PROM1: variants seen among roughly 807,000 people sequenced by gnomAD.
PROM1 encodes the protein prominin-1.
PROM1 carries 105 observed loss-of-function variants against 116.9 expected under a neutral mutation model. The observed-to-expected ratio is 0.90, with a 90% CI of 0.77 to 1.06. The LOEUF (loss-of-function observed/expected upper bound fraction) is 1.06, where lower values mean the gene tolerates loss of function less well. Ranked by LOEUF, PROM1 falls within the 50% of genes least tolerant of loss-of-function variation. The probability of loss-of-function intolerance (pLI) is 0.00; values close to 1 mark genes in which losing one functional copy is unlikely to be tolerated. For missense variants in PROM1, 1,122 were observed against 1,045.2 expected, an observed-to-expected ratio of 1.07 and a Z score of -1.01; for synonymous variants, 393 against 387.0, an observed-to-expected ratio of 1.02 and a Z score of -0.18.
intron 23 of PROM1, among the ~76,000 whole-genome samples, chr4:15,983,068 T>C (rs527955082): frequency 1.5e-4 from 23 of 152,310 alleles, no homozygotes; most frequent in Non-Finnish European, 2.8e-4. Context: ...GTGGAGAGTC[T>C]AGAGTGTGCT....
At chr4:16,043,202 A>T (rs937832761) in intron 2 of PROM1, among the ~76,000 whole-genome samples, 2 of 152,228 alleles carry the variant, frequency 1.3e-5, no homozygotes, top group Non-Finnish European at 2.9e-5. Context: ...GGTCTGAGCC[A>T]AGTAACATAT....
At chr4:16,064,132 C>A (rs1560602286) in intron 2 of PROM1, among the ~76,000 whole-genome samples, 3 of 152,098 alleles carry the variant, frequency 2.0e-5, no homozygotes, top group African/African-American at 2.4e-5. Flanking sequence ...ATATGCCCGG[C>A]AGAAATGTGT....
intron 2 of PROM1, among the ~76,000 whole-genome samples, chr4:16,071,543 G>A (rs1197337294): frequency 6.6e-6 from 1 of 152,158 alleles, no homozygotes; most frequent in Admixed American, 6.5e-5. Flanking sequence ...TAGGTCATAA[G>A]GGTGAGACCT....
At chr4:16,028,596 G>C (rs970924500) in intron 5 of PROM1, among the ~76,000 whole-genome samples, 2 of 152,008 alleles carry the variant, frequency 1.3e-5, no homozygotes, top group Non-Finnish European at 2.9e-5. Context: ...TATGCTTTGA[G>C]GTATTGATTT....
Position 15,968,367 on chromosome 4 carries a change from T to G in PROM1, c.*1026A>C, listed in dbSNP as rs1434555479. 1.3e-5 allele frequency: 2 copies of G among 152,198 alleles called. No homozygotes were observed. Among genetic ancestry groups the G allele is most frequent in the Non-Finnish European group, 2.9e-5 (2 of 68,032 alleles). The allele number at this position is 152,198 out of a possible 1,614,324, so 9.4% of individuals were successfully genotyped here. ...GACCAGTTCTTCATTGCTGATCACT[T>G]TTGATAATGACAGATCCAACATGAA... On this transcript the variant is annotated 3_prime_UTR_variant, in exon 28 of 28. Coordinates refer to ENST00000447510, the MANE Select transcript of PROM1 (RefSeq NM_006017.3).
intron 24 of PROM1, 124 bp from the exon 25 acceptor site, chr4:15,980,028 T>C (rs79675869): frequency 0.021 from 13,709 of 653,152 alleles, 194 homozygotes; most frequent in Middle Eastern, 0.03. Flanking sequence ...GAAAGACCCA[T>C]GTTGAAAGAT....
chr4:16,038,970 A>T lies in PROM1; in HGVS notation c.252T>A (p.Tyr84Ter), dbSNP rs764756521. The T allele has an allele frequency of 2.0e-6, 3 of 1,505,676 alleles. No homozygotes were observed. The highest frequency in any genetic ancestry group is 1.8e-6 in the Non-Finnish European group (2 of 1,125,968). 93.3% of individuals were successfully genotyped at this position (1,505,676 alleles called of 1,614,324 possible). The change falls in exon 3 of 28, where the codon TAT (tyrosine) becomes TAA (stop). Residue 84 changes from tyrosine to a stop codon, truncating the protein, a stop_gained. Coordinates refer to ENST00000447510, the MANE Select transcript of PROM1 (RefSeq NM_006017.3). LOFTEE classifies it high-confidence loss of function. ...CCTTGTCATAATCAATTTTGGATTC[A>T]TATGCCTTCTGTAAGAATTTTCTCA... The part of the protein sequence containing the change: ...DTLRKFLQKA[Y>*]ESKIDYDKPE...
At chr4:16,018,039 C>T (rs1370327736) in intron 9 of PROM1, among the ~76,000 whole-genome samples, 1 of 152,098 alleles carries the variant, frequency 6.6e-6, no homozygotes, top group African/African-American at 2.4e-5. Context: ...TAAAGGTCTA[C>T]ATGAATATAT....
intron 2 of PROM1, among the ~76,000 whole-genome samples, chr4:16,064,974 C>G (rs1229567227): frequency 6.6e-6 from 1 of 152,156 alleles, no homozygotes; most frequent in Admixed American, 6.5e-5. Context: ...AAAAAGCTCC[C>G]TGGTGATGCT....
At chr4:15,976,880 T>TCAGAGCCTACCACTCTGACAG (rs1716269342) in intron 26 of PROM1, among the ~76,000 whole-genome samples, 1 of 152,086 alleles carries the variant, frequency 6.6e-6, no homozygotes, top group South Asian at 2.1e-4. Context: ...CCTCCAGCTG[T>TCAGAGCCTACCACTCTGACAG]CAGAGCCTAC....
In PROM1 at chr4:16,025,299, A is replaced by G; in HGVS notation, c.523T>C (p.Tyr175His). 1 of 1,613,932 alleles carries G rather than the reference A, an allele frequency of 6.2e-7. No individual in the cohort carries two copies. Among genetic ancestry groups the G allele is most frequent in the Non-Finnish European group, 8.5e-7 (1 of 1,179,806 alleles). ...ACCTGGTGATTTGCCACAAAACCAT[A>G]GAAGATGCCAATGCTGCAGGAAAAG... is the stretch of plus-strand genomic sequence containing the variant. Reference protein sequence around the residue: ...ICIIISIGIFYGFVANHQVRT... With the variant: ...ICIIISIGIFHGFVANHQVRT... The change falls in exon 6 of 28, where the codon TAT becomes CAT. Residue 175 changes from tyrosine (Y) to histidine (H), a missense_variant. Tyr to His is a moderately conservative substitution (Grantham distance 83, BLOSUM62 2). Coordinates refer to ENST00000447510, the MANE Select transcript of PROM1 (RefSeq NM_006017.3).
chr4:16,007,446 G>T (rs1337027004), intron 12 of PROM1, among the ~76,000 whole-genome samples: 2 of 152,292 alleles, frequency 1.3e-5, no homozygotes, highest in South Asian at 2.1e-4. Flanking sequence ...AAAAAACAAA[G>T]AATTTACTTC....
chr4:16,013,003 G>A (rs375285951), intron 11 of PROM1, among the ~76,000 whole-genome samples: 10 of 152,102 alleles, frequency 6.6e-5, no homozygotes, highest in South Asian at 4.2e-4. Flanking sequence ...ATCTGAAGGC[G>A]CACACTCTGG....
At chr4:16,035,705 G>A (rs753345872) in intron 4 of PROM1, 30 bp downstream of exon 4, 2 of 1,596,498 alleles carry the variant, frequency 1.3e-6, no homozygotes, top group Admixed American at 1.7e-5. Context: ...CTTTCCAAGA[G>A]CAACTTGAAA....
At position 15,987,683 on chromosome 4, in the gene PROM1, G is replaced by A. The variant is rs1302809734; in HGVS notation, c.2110C>T (p.Arg704Cys). The A allele has an allele frequency of 5.0e-6, 8 of 1,611,294 alleles. No individual in the cohort carries two copies. The highest frequency in any genetic ancestry group is 2.2e-5 in the East Asian group (1 of 44,814). ...TLYQSVKILQ[R>C]TGNGLLERVT... ...CTTACCAACAATCCATTCCCTGTGC[G>A]TTGAAGTATCTTGACGCTTTGGTAT... Residue 704 changes from arginine (R) to cysteine (C), a missense_variant, in exon 20 of 28, where the codon CGC becomes TGC. By Grantham distance (180) the Arg-to-Cys change is radical (BLOSUM62 -3). Coordinates refer to ENST00000447510, the MANE Select transcript of PROM1 (RefSeq NM_006017.3).
At chr4:16,000,736 G>A in intron 13 of PROM1, 117 bp from the exon 14 acceptor site, 5 of 872,670 alleles carry the variant, frequency 5.7e-6, no homozygotes, top group Non-Finnish European at 8.0e-6. Flanking sequence ...GTGTTATTCA[G>A]GTGAAACAGA....
chr4:15,995,299 GGAGA>G (rs955006794), intron 15 of PROM1, among the ~76,000 whole-genome samples: 1 of 150,494 alleles, frequency 6.6e-6, no homozygotes, highest in Non-Finnish European at 1.5e-5. Flanking sequence ...CCAGTTGGAA[GGAGA>G]GAGAGAGAGA....
chr4:16,033,183 T>TG (rs1409656693), intron 5 of PROM1, 121 bp downstream of exon 5: 1 of 822,796 alleles, frequency 1.2e-6, no homozygotes, highest in African/African-American at 1.7e-5. Flanking sequence ...TTCTGTTTGG[T>TG]GGGTTTTTTT....
chr4:16,082,143 T>C (rs1745160030), intron 1 of PROM1: 1 of 152,186 alleles, frequency 6.6e-6, no homozygotes, highest in Non-Finnish European at 1.5e-5. Context: ...GTCTGTCTGC[T>C]TCTGCTAGCA....
Sources: allele counts gnomAD v4.1 joint callset (sites outside exome capture counted in the v4.1 genomes callset), GRCh38; gene constraint gnomAD v4.1.1; transcripts MANE v1.5; gene names NCBI Gene and HGNC (gene_info 2026-07-23, HGNC 2026-07-21).